Variants in NCAM2 observed in about 807,000 individuals in gnomAD.
NCAM2 encodes the protein neural cell adhesion molecule 2.
Under a neutral mutation model 98.1 loss-of-function variants are expected in NCAM2, and 30 were observed. That is an observed-to-expected ratio of 0.31 (90% CI 0.23 to 0.41). The LOEUF (loss-of-function observed/expected upper bound fraction) is 0.41. NCAM2 is among the 10% of genes least tolerant of loss of function. The pLI, the probability that NCAM2 is intolerant of heterozygous loss-of-function variation, is 1.00. For synonymous variants in NCAM2, 368 were observed against 342.4 expected, an observed-to-expected ratio of 1.07 and a Z score of -0.83; for missense variants, 867 against 1,005.8, an observed-to-expected ratio of 0.86 and a Z score of 1.87.
chr21:21,467,687 A>C (rs1296032102), intron 13 of NCAM2, among the ~76,000 whole-genome samples: 2 of 151,590 alleles, frequency 1.3e-5, no homozygotes, highest in Non-Finnish European at 2.9e-5. Flanking sequence ...CTCTCCAAAA[A>C]ACAATAAAAA....
intron 1 of NCAM2, among the ~76,000 whole-genome samples, chr21:21,150,744 A>G (rs534112490): frequency 1.3e-5 from 2 of 151,858 alleles, no homozygotes; most frequent in African/African-American, 4.8e-5. Flanking sequence ...CTGTGTCTAT[A>G]TTAGTGATGG....
At chr21:21,020,012 CT>C (rs2064396729) in intron 1 of NCAM2, among the ~76,000 whole-genome samples, 1 of 151,956 alleles carries the variant, frequency 6.6e-6, no homozygotes, top group Non-Finnish European at 1.5e-5. Context: ...ACTTCAGTTT[CT>C]TTTCTTTTTT....
At chr21:21,058,684 T>TA (rs1555877827) in intron 1 of NCAM2, among the ~76,000 whole-genome samples, 6 of 151,622 alleles carry the variant, frequency 4.0e-5, no homozygotes, top group East Asian at 1.9e-4. Context: ...TTTTTTTTTT[T>TA]ATTCATTGTA....
intron 1 of NCAM2, among the ~76,000 whole-genome samples, chr21:21,111,013 A>G (rs1404438059): frequency 6.6e-6 from 1 of 152,150 alleles, no homozygotes; most frequent in African/African-American, 2.4e-5. Flanking sequence ...TGTTTCAGGA[A>G]AAGTATATTT....
At chr21:21,488,686 C>T (rs2146301171) in intron 15 of NCAM2, among the ~76,000 whole-genome samples, 1 of 151,772 alleles carries the variant, frequency 6.6e-6, no homozygotes, top group East Asian at 1.9e-4. Context: ...TATCCCTAGT[C>T]ATGTAAAGTT....
At chr21:21,301,168 C>A (rs995984726) in intron 5 of NCAM2, among the ~76,000 whole-genome samples, 7 of 151,904 alleles carry the variant, frequency 4.6e-5, no homozygotes, top group African/African-American at 1.7e-4. Flanking sequence ...GTGAATATTT[C>A]CTCCCATTCT....
intron 1 of NCAM2, among the ~76,000 whole-genome samples, chr21:21,252,304 T>C (rs538708897): frequency 1.3e-5 from 2 of 151,252 alleles, no homozygotes; most frequent in East Asian, 1.9e-4. Flanking sequence ...TATCCCTGAA[T>C]CAAACTTTAT....
intron 15 of NCAM2, among the ~76,000 whole-genome samples, chr21:21,502,168 A>G (rs1987679261): frequency 6.6e-6 from 1 of 151,944 alleles, no homozygotes; most frequent in Admixed American, 6.6e-5. Context: ...GTGAAACTTT[A>G]GACTATACTC....
intron 1 of NCAM2, among the ~76,000 whole-genome samples, chr21:21,178,915 G>T (rs1297554984): frequency 1.3e-5 from 2 of 152,018 alleles, no homozygotes; most frequent in Non-Finnish European, 2.9e-5. Context: ...ATAGTACACG[G>T]TGAAATTTTC....
At chr21:21,037,291 C>T (rs1387515408) in intron 1 of NCAM2, among the ~76,000 whole-genome samples, 1 of 152,014 alleles carries the variant, frequency 6.6e-6, no homozygotes, top group Non-Finnish European at 1.5e-5. Context: ...GTCATGGTAT[C>T]AAAAAATATT....
chr21:21,102,382 T>A (rs994449007), intron 1 of NCAM2, among the ~76,000 whole-genome samples: 1 of 152,192 alleles, frequency 6.6e-6, no homozygotes, highest in Non-Finnish European at 1.5e-5. Context: ...GTAGTTTAAT[T>A]TTTTTAACTC....
chr21:21,327,599 G>C (rs1717682501), intron 6 of NCAM2, among the ~76,000 whole-genome samples: 1 of 152,086 alleles, frequency 6.6e-6, no homozygotes, highest in African/African-American at 2.4e-5. Context: ...ACTGTGAATG[G>C]GTATAAGAGA....
At chr21:21,392,771 G>A (rs1257000281) in intron 9 of NCAM2, among the ~76,000 whole-genome samples, 6 of 152,100 alleles carry the variant, frequency 3.9e-5, no homozygotes, top group Non-Finnish European at 5.9e-5. Context: ...GTCTGTTCAT[G>A]TTCTTTGCCC....
At chr21:21,188,073 C>A (rs79170187) in intron 1 of NCAM2, among the ~76,000 whole-genome samples, 83 of 152,208 alleles carry the variant, frequency 5.5e-4, no homozygotes, top group African/African-American at 1.9e-3. Flanking sequence ...TAATTTTACC[C>A]AGCCTGGTTA....
At chr21:21,346,519 A>G (rs1217063905) in intron 8 of NCAM2, among the ~76,000 whole-genome samples, 5 of 152,188 alleles carry the variant, frequency 3.3e-5, no homozygotes, top group African/African-American at 1.2e-4. Context: ...AATCTGCACT[A>G]TAGATCTAAT....
intron 11 of NCAM2, 120 bp downstream of exon 11, chr21:21,418,689 A>G (rs1277552066): frequency 1.3e-6 from 1 of 772,912 alleles, no homozygotes; most frequent in Non-Finnish European, 2.3e-6. Flanking sequence ...TCTCTTGGAG[A>G]TATCAGGTAG....
At chr21:21,163,520 T>C (rs1298079994) in intron 1 of NCAM2, among the ~76,000 whole-genome samples, 1 of 152,192 alleles carries the variant, frequency 6.6e-6, no homozygotes, top group Non-Finnish European at 1.5e-5. Flanking sequence ...ATTCAAAACA[T>C]TGAATTGCCA....
At chr21:21,313,964 CT>C (rs1409491921) in intron 5 of NCAM2, among the ~76,000 whole-genome samples, 1 of 152,050 alleles carries the variant, frequency 6.6e-6, no homozygotes, top group Admixed American at 6.6e-5. Flanking sequence ...GTCCCTACAT[CT>C]TCTCTTTATA....
chr21:21,048,261 A>G (rs938468174), intron 1 of NCAM2, among the ~76,000 whole-genome samples: 2 of 152,190 alleles, frequency 1.3e-5, no homozygotes, highest in Non-Finnish European at 2.9e-5. Flanking sequence ...AGGTCTTCAG[A>G]TAAACTCAAC....
Sources: gnomAD v4.1 joint callset for allele counts (sites outside exome capture counted in the v4.1 genomes callset) on GRCh38, gnomAD v4.1.1 for gene constraint, MANE v1.5 for transcripts, NCBI Gene and HGNC (gene_info 2026-07-23, HGNC 2026-07-21) for gene names.